CYP1A2: variants seen among roughly 807,000 people sequenced by gnomAD.
CYP1A2 encodes the protein cytochrome P450 family 1 subfamily A member 2.
A neutral mutation model predicts 34.7 loss-of-function variants in CYP1A2; 35 were observed. That is an observed-to-expected ratio of 1.01 (90% CI 0.77 to 1.34). The LOEUF (loss-of-function observed/expected upper bound fraction) is 1.34. CYP1A2 is among the 40% of genes most tolerant of loss of function. The pLI is 0.00. For synonymous variants in CYP1A2, 288 were observed against 281.9 expected (o/e 1.02, Z -0.22); for missense variants, 675 against 675.8 (o/e 1.00, Z 0.01).
At chr15:74,754,685 A>C in intron 6 of CYP1A2, 106 bp from the exon 7 acceptor site, 1 of 1,084,476 alleles carries the variant, frequency 9.2e-7, no homozygotes, top group Non-Finnish European at 1.3e-6. Flanking sequence ...CATTGCTTTC[A>C]AAGTGCCCTC....
Position 74,751,807 on chromosome 15 carries a change from A to G in CYP1A2, c.995A>G (p.Tyr332Cys). The change falls in exon 4 of 7, where the codon TAC becomes TGC. Residue 332 changes from tyrosine (Y) to cysteine (C), a missense_variant. By Grantham distance (194) the Tyr-to-Cys change is radical (BLOSUM62 -2). Coordinates refer to ENST00000343932, the MANE Select transcript of CYP1A2 (RefSeq NM_000761.5). The stretch of plus-strand genomic sequence containing the variant: ...ACAGCCATCTCCTGGAGCCTCATGT[A>G]CCTTGTGACCAAGCCTGAGATACAG... Reference protein sequence around the residue: ...VTTAISWSLMYLVTKPEIQRK... With the variant: ...VTTAISWSLMCLVTKPEIQRK... 1.2e-6 allele frequency: 2 copies of G among 1,614,132 alleles called. No homozygotes were observed. Among genetic ancestry groups the G allele is most frequent in the Non-Finnish European group, 1.7e-6 (2 of 1,180,016 alleles).
Position 74,750,422 on chromosome 15 carries a change from G to A in CYP1A2, c.684G>A (p.Glu228=), listed in dbSNP as rs753869179. 4 of 1,614,066 alleles carry A rather than the reference G, an allele frequency of 2.5e-6. No homozygotes were observed. The African/African-American group carries it at 4.0e-5, about 16-fold the overall frequency. The change falls in exon 2 of 7, where the codon GAG becomes GAA. Residue 228 remains glutamate, a synonymous_variant. Transcript: ENST00000343932. The stretch of plus-strand genomic sequence containing the variant: ...TGAAGAACACTCATGAGTTCGTGGA[G>A]ACTGCCTCCTCCGGGAACCCCCTGG... ...SLVKNTHEFV[E]TASSGNPLDF...
chr15:74,751,672 T>G (rs2063316049), intron 3 of CYP1A2, 93 bp from the exon 4 acceptor site: 1 of 1,268,352 alleles, frequency 7.9e-7, no homozygotes, highest in South Asian at 1.4e-5. Flanking sequence ...CAGAGAAAGC[T>G]AATGCTGGAT....
In CYP1A2 at chr15:74,755,823, T is replaced by A. The variant is rs1387112943; in HGVS notation, c.*735T>A. The A allele has an allele frequency of 6.6e-6, 1 of 151,814 alleles. No homozygotes were observed. The highest frequency in any genetic ancestry group is 1.5e-5 in the Non-Finnish European group (1 of 67,982). The allele number at this position is 151,814 out of a possible 1,614,324, so 9.4% of individuals were successfully genotyped here. On this transcript the variant is annotated 3_prime_UTR_variant, in exon 7 of 7. Transcript: ENST00000343932. ...CCATCACCAGAATTAATTTTATTAT[T>A]CTTATTATTTTTGAGACAGAGTCTT...
chr15:74,751,916 G>GTCTACAAACACCTGT (rs1794389397), intron 4 of CYP1A2, 62 bp downstream of exon 4: 1 of 1,570,914 alleles, frequency 6.4e-7, no homozygotes, highest in Non-Finnish European at 8.7e-7. Flanking sequence ...TGTTTGTTCA[G>GTCTACAAACACCTGT]TCTACAAACA....
chr15:74,751,233 G>C lies in CYP1A2; in HGVS notation c.876G>C (p.Lys292Asn). 1 of 1,614,146 alleles carries C rather than the reference G, an allele frequency of 6.2e-7. No individual in the cohort carries two copies. The highest frequency in any genetic ancestry group is 8.5e-7 in the Non-Finnish European group (1 of 1,180,008). Residue 292 changes from lysine to asparagine, a missense_variant, in exon 3 of 7, where the codon AAG (lysine) becomes AAC (asparagine). By Grantham distance (94) the Lys-to-Asn change is moderately conservative. Coordinates refer to ENST00000343932, the MANE Select transcript of CYP1A2 (RefSeq NM_000761.5). ...DITGALFKHS[K>N]KGPRASGNLI... is the part of the protein sequence containing the mutation. ...CGGGTGCCCTGTTCAAGCACAGCAA[G>C]AAGGGGCCTAGAGCCAGCGGCAACC...
At chr15:74,751,434 T>G in intron 3 of CYP1A2, 125 bp downstream of exon 3, 6 of 1,406,320 alleles carry the variant, frequency 4.3e-6, no homozygotes, top group Non-Finnish European at 5.8e-6. Context: ...TACTGAGATC[T>G]GGCTTGGGAT....
intron 4 of CYP1A2, 35 bp from the exon 5 acceptor site, chr15:74,752,088 AG>A: frequency 6.2e-7 from 1 of 1,612,046 alleles, no homozygotes. Context: ...CAGTTAGGGC[AG>A]CCCCTGAGCT....
rs576092370 is a variant in CYP1A2 at position 74,750,578 on chromosome 15, G to C, written c.831+9G>C. 6 of 1,609,732 alleles carry C rather than the reference G, an allele frequency of 3.7e-6. No homozygotes were observed. The highest frequency in any genetic ancestry group is 5.1e-6 in the Non-Finnish European group (6 of 1,176,772). The stretch of plus-strand genomic sequence containing the variant: ...ATCAGGACTTTGACAAGGTGAGCCC[G>C]GGGTGCAGGTGGCAAGGGGCACCTT... On this transcript the variant is annotated intron_variant, in intron 2 of 6. Coordinates refer to ENST00000343932, the MANE Select transcript of CYP1A2 (RefSeq NM_000761.5).
intron 2 of CYP1A2, 83 bp from the exon 3 acceptor site, chr15:74,751,106 A>T (rs1390403220): frequency 1.9e-6 from 3 of 1,550,786 alleles, no homozygotes; most frequent in Admixed American, 1.9e-5. Flanking sequence ...CCCAGCCACC[A>T]GGTACAGGCC....
At chr15:74,754,219 A>G (rs2063328320) in intron 6 of CYP1A2, among the ~76,000 whole-genome samples, 1 of 152,014 alleles carries the variant, frequency 6.6e-6, no homozygotes, top group African/African-American at 2.4e-5. Flanking sequence ...TTCTTCTTTT[A>G]ATTTCTTTTA....
At chr15:74,749,028 T>G (rs2063301557) in intron 1 of CYP1A2, 131 bp downstream of exon 1, 1 of 152,234 alleles carries the variant, frequency 6.6e-6, no homozygotes. Flanking sequence ...GCTACCCAGC[T>G]CTTGACTTCT....
At chr15:74,749,393 G>A (rs1301866555) in intron 1 of CYP1A2, among the ~76,000 whole-genome samples, 1 of 152,222 alleles carries the variant, frequency 6.6e-6, no homozygotes, top group Non-Finnish European at 1.5e-5. Flanking sequence ...TGCTGTGCCA[G>A]GGGCTGACAA....
intron 2 of CYP1A2, 140 bp downstream of exon 2, chr15:74,750,709 C>A: frequency 1.4e-6 from 1 of 692,312 alleles, no homozygotes; most frequent in Non-Finnish European, 2.4e-6. Context: ...AGCTGTGTGA[C>A]CTGGAGCCGA....
rs528804804 is a variant in CYP1A2 at position 74,753,241 on chromosome 15, C to T, written c.1224C>T (p.Phe408=). 5.0e-6 allele frequency: 8 copies of T among 1,613,856 alleles called. No homozygotes were observed. The highest frequency in any genetic ancestry group is 4.5e-5 in the East Asian group (2 of 44,858). Residue 408 remains phenylalanine (F), a synonymous_variant, in exon 6 of 7, where the codon TTC becomes TTT. Transcript: ENST00000343932. The part of the protein sequence containing the change: ...GFYIPKKCCV[F]VNQWQVNHDP... ...ACATCCCCAAGAAATGCTGTGTCTT[C>T]GTAAACCAGTGGCAGGTCAACCATG...
intron 4 of CYP1A2, 122 bp downstream of exon 4, chr15:74,751,976 C>T: frequency 6.7e-7 from 1 of 1,502,334 alleles, no homozygotes; most frequent in Non-Finnish European, 9.1e-7. Context: ...GTAGTGCCTG[C>T]CCTTGCCTAG....
chr15:74,755,018 T>TGAAG lies in CYP1A2; in HGVS notation c.1481_1482insGAAG (p.Ile494MetfsTer13), dbSNP rs1274151727. 1 of 1,614,154 alleles carries TGAAG rather than the reference T, an allele frequency of 6.2e-7. No homozygotes were observed. Among genetic ancestry groups the TGAAG allele is most frequent in the Non-Finnish European group, 8.5e-7 (1 of 1,180,020 alleles). On this transcript the variant is annotated frameshift_variant, in exon 7 of 7. Coordinates refer to ENST00000343932, the MANE Select transcript of CYP1A2 (RefSeq NM_000761.5). LOFTEE classifies it low-confidence loss of function (END_TRUNC). ...GGCGTGAAAGTCGACCTGACCCCCA[T>TGAAG]CTACGGGCTGACCATGAAGCACGCC... is the stretch of plus-strand genomic sequence containing the variant.
Position 74,751,859 on chromosome 15 carries a change from A to C in CYP1A2, c.1042+5A>C. 6.2e-7 allele frequency: 1 copy of C among 1,613,684 alleles called. No individual in the cohort carries two copies. The highest frequency in any genetic ancestry group is 8.5e-7 in the Non-Finnish European group (1 of 1,179,868). ...GGAAGATCCAGAAGGAGCTGGGTAC[A>C]TGGGGGCCCCCAACCCTATAGCCAG... On this transcript the variant is annotated splice_donor_5th_base_variant and intron_variant, in intron 4 of 6. Coordinates refer to ENST00000343932, the MANE Select transcript of CYP1A2 (RefSeq NM_000761.5).
At chr15:74,749,326 G>A (rs2063302933) in intron 1 of CYP1A2, among the ~76,000 whole-genome samples, 1 of 152,220 alleles carries the variant, frequency 6.6e-6, no homozygotes, top group Non-Finnish European at 1.5e-5. Context: ...GTATATGGAA[G>A]GTATCAGCAG....
Sources: allele counts gnomAD v4.1 joint callset (sites outside exome capture counted in the v4.1 genomes callset), GRCh38; gene constraint gnomAD v4.1.1; transcripts MANE v1.5; gene names NCBI Gene and HGNC (gene_info 2026-07-23, HGNC 2026-07-21).